Variants in KCNJ6 observed in about 807,000 individuals in gnomAD.
The protein encoded by KCNJ6 is potassium inwardly rectifying channel subfamily J member 6.
KCNJ6 carries 9 observed loss-of-function variants against 34.2 expected under a neutral mutation model. That is an observed-to-expected ratio of 0.26 (90% CI 0.16 to 0.46). The LOEUF (loss-of-function observed/expected upper bound fraction) is 0.46. KCNJ6 is among the 20% of genes least tolerant of loss of function. KCNJ6 has a pLI of 1.00. For missense variants in KCNJ6, 236 were observed against 531.3 expected, an observed-to-expected ratio of 0.44 and a Z score of 5.46; for synonymous variants, 196 against 207.1, an observed-to-expected ratio of 0.95 and a Z score of 0.46.
At chr21:37,631,726 G>C (rs182995945) in intron 3 of KCNJ6, among the ~76,000 whole-genome samples, 65 of 152,314 alleles carry the variant, frequency 4.3e-4, no homozygotes, top group Admixed American at 1.8e-3. Flanking sequence ...AAATCTCAGA[G>C]AGAAACCCTG....
intron 3 of KCNJ6, among the ~76,000 whole-genome samples, chr21:37,641,530 A>G (rs2054380983): frequency 6.6e-6 from 1 of 152,188 alleles, no homozygotes; most frequent in African/African-American, 2.4e-5. Flanking sequence ...ATTAGTAAAA[A>G]TGTCTCCCTG....
intron 1 of KCNJ6, among the ~76,000 whole-genome samples, chr21:37,892,277 G>C (rs1020732892): frequency 1.3e-5 from 2 of 152,156 alleles, no homozygotes; most frequent in African/African-American, 4.8e-5. Flanking sequence ...AGAGTGAGAG[G>C]GAGCCCTGGG....
chr21:37,859,052 T>C (rs1042641712), intron 1 of KCNJ6, among the ~76,000 whole-genome samples: 1 of 152,138 alleles, frequency 6.6e-6, no homozygotes, highest in Non-Finnish European at 1.5e-5. Flanking sequence ...ATTTACAAAA[T>C]TGCAAATTGC....
intron 2 of KCNJ6, among the ~76,000 whole-genome samples, chr21:37,772,798 C>T (rs930759819): frequency 6.6e-6 from 1 of 152,102 alleles, no homozygotes; most frequent in Non-Finnish European, 1.5e-5. Context: ...ACATGTAAAA[C>T]CTAAATATGT....
chr21:37,796,854 C>G (rs1346841559), intron 2 of KCNJ6, among the ~76,000 whole-genome samples: 2 of 126,374 alleles, frequency 1.6e-5, no homozygotes, highest in African/African-American at 6.2e-5. Flanking sequence ...ACTGCAGTGG[C>G]GCAACCTCGG....
At chr21:37,717,961 T>C (rs1483156090) in intron 2 of KCNJ6, among the ~76,000 whole-genome samples, 2 of 152,232 alleles carry the variant, frequency 1.3e-5, no homozygotes, top group Non-Finnish European at 2.9e-5. Context: ...TGTCCTGACC[T>C]GGAAGAACCT....
chr21:37,687,399 G>A (rs933242003), intron 3 of KCNJ6, among the ~76,000 whole-genome samples: 5 of 152,052 alleles, frequency 3.3e-5, no homozygotes, highest in East Asian at 1.9e-4. Context: ...CAAGCAGACG[G>A]CACTGGGTAT....
chr21:37,882,575 T>C (rs2055714779), intron 1 of KCNJ6, among the ~76,000 whole-genome samples: 1 of 152,214 alleles, frequency 6.6e-6, no homozygotes, highest in African/African-American at 2.4e-5. Flanking sequence ...CAGACAGGTA[T>C]AACTATGTTT....
chr21:37,836,941 C>T (rs1292627482), intron 2 of KCNJ6, among the ~76,000 whole-genome samples: 1 of 152,120 alleles, frequency 6.6e-6, no homozygotes, highest in Non-Finnish European at 1.5e-5. Context: ...TGAAAGTTCA[C>T]AGGCTGTGAA....
At chr21:37,843,941 C>T (rs2055493239) in intron 1 of KCNJ6, among the ~76,000 whole-genome samples, 1 of 152,198 alleles carries the variant, frequency 6.6e-6, no homozygotes, top group African/African-American at 2.4e-5. Context: ...TATTCTCATT[C>T]ACAACAATGT....
At chr21:37,700,319 G>A (rs1385684921) in intron 3 of KCNJ6, among the ~76,000 whole-genome samples, 2 of 152,292 alleles carry the variant, frequency 1.3e-5, no homozygotes, top group East Asian at 1.9e-4. Context: ...AGGCAGAGAC[G>A]ATGTCACAGC....
intron 3 of KCNJ6, among the ~76,000 whole-genome samples, chr21:37,655,590 G>A (rs2054460068): frequency 6.6e-6 from 1 of 152,176 alleles, no homozygotes; most frequent in South Asian, 2.1e-4. Context: ...GGGGAATGAT[G>A]TGAAAATTCT....
chr21:37,810,284 C>A (rs1271271768), intron 2 of KCNJ6, among the ~76,000 whole-genome samples: 1 of 152,122 alleles, frequency 6.6e-6, no homozygotes, highest in Non-Finnish European at 1.5e-5. Context: ...AATGATTATA[C>A]CATAATTAAA....
chr21:37,892,664 C>T (rs1643734078), intron 1 of KCNJ6, among the ~76,000 whole-genome samples: 1 of 151,972 alleles, frequency 6.6e-6, no homozygotes, highest in Non-Finnish European at 1.5e-5. Context: ...GATGGGGAGG[C>T]AAGTTGGGAA....
chr21:37,771,087 T>C (rs2055115725), intron 2 of KCNJ6, among the ~76,000 whole-genome samples: 1 of 152,326 alleles, frequency 6.6e-6, no homozygotes, highest in Non-Finnish European at 1.5e-5. Flanking sequence ...TTGTCTTTAT[T>C]TGGCGAGTAA....
intron 2 of KCNJ6, among the ~76,000 whole-genome samples, chr21:37,815,410 A>G (rs1017423090): frequency 1.3e-5 from 2 of 152,234 alleles, no homozygotes; most frequent in Non-Finnish European, 2.9e-5. Context: ...TGTACCCACG[A>G]AAATTAAAAA....
intron 2 of KCNJ6, among the ~76,000 whole-genome samples, chr21:37,753,059 C>T (rs765080668): frequency 3.9e-5 from 6 of 152,230 alleles, no homozygotes; most frequent in South Asian, 2.1e-4. Flanking sequence ...GGGAAGGCCT[C>T]GGAGCTGGGG....
At position 37,849,557 on chromosome 21, in the gene KCNJ6, C is replaced by T. The variant is rs565884012; in HGVS notation, c.-27-8848G>A. Among the ~76,000 whole-genome samples, 20 of 152,350 alleles carry T rather than the reference C, an allele frequency of 1.3e-4. No individual in the cohort carries two copies. In the East Asian group the frequency reaches 3.5e-3, roughly 26 times the overall value. On this transcript the variant is annotated intron_variant, in intron 1 of 3. Coordinates refer to ENST00000609713, the MANE Select transcript of KCNJ6 (RefSeq NM_002240.5). ...AACATCCACTCTGCACTCCCAGCTC[C>T]CCGCATTCCATGGCTTGCCTGGACC...
intron 2 of KCNJ6, among the ~76,000 whole-genome samples, chr21:37,787,699 T>C (rs1446696051): frequency 5.9e-5 from 9 of 152,148 alleles, no homozygotes; most frequent in Non-Finnish European, 1.2e-4. Context: ...ACTAATGCCA[T>C]GGGAATCTAA....
Sources: allele counts gnomAD v4.1 joint callset (sites outside exome capture counted in the v4.1 genomes callset), GRCh38; gene constraint gnomAD v4.1.1; transcripts MANE v1.5; gene names NCBI Gene and HGNC (gene_info 2026-07-23, HGNC 2026-07-21).